Variants in MACROD2 observed in about 807,000 individuals in gnomAD.
MACROD2 encodes ADP-ribose glycohydrolase MACROD2.
In MACROD2, 36 loss-of-function variants were observed where a neutral mutation model predicts 70.4. The observed-to-expected ratio is 0.51, with a 90% CI of 0.39 to 0.68. The LOEUF (loss-of-function observed/expected upper bound fraction) is 0.68, where lower values mean the gene tolerates loss of function less well. Among genes scored for constraint, MACROD2 ranks in the 30% least tolerant of loss-of-function variants. The probability of loss-of-function intolerance (pLI) is 0.00; values close to 1 mark genes in which losing one functional copy is unlikely to be tolerated. For synonymous variants in MACROD2, 172 were observed against 178.8 expected, an observed-to-expected ratio of 0.96 and a Z score of 0.30; for missense variants, 496 against 538.4, an observed-to-expected ratio of 0.92 and a Z score of 0.78.
intron 3 of MACROD2, among the ~76,000 whole-genome samples, chr20:14,230,631 T>TGTGTGTA (rs1569217269): frequency 1.1e-5 from 1 of 94,256 alleles, no homozygotes; most frequent in Non-Finnish European, 1.9e-5. Flanking sequence ...TCATTCATGT[T>TGTGTGTA]TATATATATA....
rs1198495445 is a variant in MACROD2, at chr20:15,881,743, A to G, written c.728-4021A>G. ...TTCAGTCCTCAAACAAGGAAGGGAT[A>G]GTTTTGAGAAGGGCTATTATCATTC... On this transcript the variant is annotated intron_variant, in intron 9 of 17. Coordinates refer to ENST00000684519, the MANE Select transcript of MACROD2 (RefSeq NM_001351661.2). 2.0e-5 allele frequency among the ~76,000 whole-genome samples: 3 copies of G among 152,118 alleles called. 1 individual carries two copies. Among genetic ancestry groups the G allele is most frequent in the Non-Finnish European group, 1.5e-5 (1 of 67,994 alleles).
Position 14,156,830 on chromosome 20 carries a change from A to G in MACROD2, c.271+71102A>G, listed in dbSNP as rs568315443. 5.9e-5 allele frequency among the ~76,000 whole-genome samples: 9 copies of G among 152,348 alleles called. No individual in the cohort carries two copies. In the South Asian group the frequency reaches 1.9e-3, roughly 32 times the overall value. ...GTCTAAAGCACAGTTTCTGACTGGC[A>G]TAAATGAAACTACTTTGCAATAGTC... On this transcript the variant is annotated intron_variant, in intron 3 of 17. Transcript: ENST00000684519.
At chr20:15,385,324 A>C (rs1321323311) in intron 6 of MACROD2, among the ~76,000 whole-genome samples, 1 of 152,216 alleles carries the variant, frequency 6.6e-6, no homozygotes, top group African/African-American at 2.4e-5. Flanking sequence ...GACTCAAATC[A>C]TAGAAAGCAT....
intron 5 of MACROD2, among the ~76,000 whole-genome samples, chr20:14,747,475 G>A (rs1402845271): frequency 6.6e-6 from 1 of 152,140 alleles, no homozygotes. Context: ...CCTGAAACTA[G>A]ATTAGATTTA....
chr20:15,054,221 G>C (rs1349643987), intron 5 of MACROD2, among the ~76,000 whole-genome samples: 1 of 152,218 alleles, frequency 6.6e-6, no homozygotes, highest in Non-Finnish European at 1.5e-5. Flanking sequence ...GGCAGGGTTT[G>C]AAAGGATTGA....
chr20:15,024,842 A>C (rs2075217360), intron 5 of MACROD2, among the ~76,000 whole-genome samples: 1 of 152,188 alleles, frequency 6.6e-6, no homozygotes, highest in Non-Finnish European at 1.5e-5. Context: ...AATGATTTCC[A>C]TCGATCAAGA....
chr20:15,537,602 T>C (rs2047894574), intron 8 of MACROD2, among the ~76,000 whole-genome samples: 1 of 150,068 alleles, frequency 6.7e-6, no homozygotes, highest in Non-Finnish European at 1.5e-5. Context: ...GTCTCCCAAA[T>C]AGCAGGGACT....
intron 8 of MACROD2, among the ~76,000 whole-genome samples, chr20:15,792,713 C>T (rs192932295): frequency 6.6e-6 from 1 of 152,072 alleles, no homozygotes; most frequent in African/African-American, 2.4e-5. Context: ...TACATTGTTG[C>T]TTGAGGTGTA....
At chr20:15,300,083 A>G (rs2146124124) in intron 6 of MACROD2, among the ~76,000 whole-genome samples, 1 of 152,270 alleles carries the variant, frequency 6.6e-6, no homozygotes, top group Admixed American at 6.5e-5. Context: ...GCCATCCTCC[A>G]AACTGAACTT....
At chr20:16,030,923 C>G (rs571111336) in intron 15 of MACROD2, among the ~76,000 whole-genome samples, 4 of 152,058 alleles carry the variant, frequency 2.6e-5, no homozygotes, top group Non-Finnish European at 5.9e-5. Context: ...AAAATCAATA[C>G]AGAAATCTCG....
intron 5 of MACROD2, among the ~76,000 whole-genome samples, chr20:15,027,932 T>C (rs1021585438): frequency 6.6e-6 from 1 of 152,180 alleles, no homozygotes; most frequent in Non-Finnish European, 1.5e-5. Flanking sequence ...AATGTAGAAT[T>C]CTGAGGCTCC....
intron 5 of MACROD2, among the ~76,000 whole-genome samples, chr20:15,222,875 C>G (rs2076873878): frequency 6.6e-6 from 1 of 152,184 alleles, no homozygotes; most frequent in Non-Finnish European, 1.5e-5. Flanking sequence ...CTGATTGAAT[C>G]TTTGTAAATA....
At chr20:14,949,632 A>C (rs1221057696) in intron 5 of MACROD2, among the ~76,000 whole-genome samples, 2 of 152,196 alleles carry the variant, frequency 1.3e-5, no homozygotes, top group African/African-American at 4.8e-5. Context: ...TTTGGAAAAT[A>C]TTCTCATACT....
At chr20:14,991,968 A>T (rs1218034684) in intron 5 of MACROD2, among the ~76,000 whole-genome samples, 2 of 152,164 alleles carry the variant, frequency 1.3e-5, no homozygotes, top group African/African-American at 4.8e-5. Flanking sequence ...ACATTTATTG[A>T]TCTCCTACTC....
At chr20:14,266,442 C>T (rs2082144735) in intron 3 of MACROD2, among the ~76,000 whole-genome samples, 2 of 152,048 alleles carry the variant, frequency 1.3e-5, no homozygotes, top group Admixed American at 1.3e-4. Context: ...TTCCTTAAAC[C>T]TGCATATTCT....
intron 5 of MACROD2, among the ~76,000 whole-genome samples, chr20:15,017,010 C>G (rs1006382587): frequency 6.6e-6 from 1 of 152,140 alleles, no homozygotes; most frequent in African/African-American, 2.4e-5. Context: ...CCCTCCAAAT[C>G]TCATGTCCTC....
At chr20:15,637,704 G>A (rs77403617) in intron 8 of MACROD2, among the ~76,000 whole-genome samples, 4,426 of 152,236 alleles carry the variant, frequency 0.029, 209 homozygotes, top group African/African-American at 0.1. Context: ...CTGTGTCCCC[G>A]ATCTTTACAT....
Position 14,846,155 on chromosome 20 carries a change from T to C in MACROD2, c.418+161196T>C, listed in dbSNP as rs565937148. 1.3e-3 allele frequency among the ~76,000 whole-genome samples: 194 copies of C among 152,290 alleles called. 2 individuals carry two copies. The highest frequency in any genetic ancestry group is 4.4e-3 in the African/African-American group (184 of 41,572). On this transcript the variant is annotated intron_variant, in intron 5 of 17. Transcript: ENST00000684519. ...AGTCAAGAATATAACATGATATTAT[T>C]AGACTCCTAATTACAAATATTTGGT...
chr20:15,147,642 C>T (rs2076240266), intron 5 of MACROD2, among the ~76,000 whole-genome samples: 1 of 152,122 alleles, frequency 6.6e-6, no homozygotes, highest in African/African-American at 2.4e-5. Context: ...CCAGTGGTGA[C>T]AGGAGACTAA....
Sources: gnomAD v4.1 joint callset for allele counts (sites outside exome capture counted in the v4.1 genomes callset) on GRCh38, gnomAD v4.1.1 for gene constraint, MANE v1.5 for transcripts, NCBI Gene and HGNC (gene_info 2026-07-23, HGNC 2026-07-21) for gene names.